Variants in RALYL observed in about 807,000 individuals in gnomAD.
The protein encoded by RALYL is RNA-binding Raly-like protein.
Under a neutral mutation model 35.1 loss-of-function variants are expected in RALYL, and 29 were observed. The ratio of observed to expected loss-of-function variants is 0.83; its 90% confidence interval spans 0.61 to 1.13. The LOEUF is 1.13. RALYL is among the 50% of genes most tolerant of loss of function. RALYL has a pLI of 0.00. For missense variants in RALYL, 359 were observed against 360.4 expected (o/e 1.00, Z 0.03); for synonymous variants, 120 against 127.6 (o/e 0.94, Z 0.40).
At chr8:84,523,577 C>A (rs1420019536) in intron 1 of RALYL, among the ~76,000 whole-genome samples, 3 of 151,492 alleles carry the variant, frequency 2.0e-5, no homozygotes, top group East Asian at 3.9e-4. Context: ...AGGTTAGTTA[C>A]ATATGTATAC....
At position 84,466,493 on chromosome 8, in the gene RALYL, C is replaced by A. The variant is rs1026361487; in HGVS notation, c.-23-62806C>A. ...CAGCCTTGCATCCCAGGGATGAAGCCCACTTGATCATGGTGGATAAGCTTT... is the reference window on the plus strand; with the variant it reads ...CAGCCTTGCATCCCAGGGATGAAGCACACTTGATCATGGTGGATAAGCTTT... On this transcript the variant is annotated intron_variant, in intron 1 of 8. Coordinates refer to ENST00000521268, the MANE Select transcript of RALYL (RefSeq NM_173848.7). Among the ~76,000 whole-genome samples the A allele has an allele frequency of 3.1e-3, 470 of 151,124 alleles. 4 individuals carry two copies. Among genetic ancestry groups the A allele is most frequent in the African/African-American group, 0.011 (459 of 41,112 alleles).
At chr8:84,740,133 G>C (rs948246595) in intron 2 of RALYL, among the ~76,000 whole-genome samples, 1 of 151,992 alleles carries the variant, frequency 6.6e-6, no homozygotes, top group African/African-American at 2.4e-5. Context: ...AGATGGAAAA[G>C]TGTCTTTAAG....
At chr8:84,236,321 T>A (rs1826543362) in intron 1 of RALYL, among the ~76,000 whole-genome samples, 1 of 152,206 alleles carries the variant, frequency 6.6e-6, no homozygotes, top group African/African-American at 2.4e-5. Context: ...TCAAAATTTA[T>A]GTTAAGCACA....
chr8:84,332,920 A>G (rs1006624101), intron 1 of RALYL, among the ~76,000 whole-genome samples: 1 of 152,118 alleles, frequency 6.6e-6, no homozygotes, highest in African/African-American at 2.4e-5. Context: ...TGATTTCCCT[A>G]AAAACGTATC....
chr8:84,550,584 ATAT>A (rs577375165), intron 2 of RALYL, among the ~76,000 whole-genome samples: 353 of 151,522 alleles, frequency 2.3e-3, no homozygotes, highest in African/African-American at 8.2e-3. Flanking sequence ...CTTTAATAAA[ATAT>A]TATATATTTG....
At chr8:84,659,596 T>C (rs1289996428) in intron 2 of RALYL, among the ~76,000 whole-genome samples, 2 of 152,118 alleles carry the variant, frequency 1.3e-5, no homozygotes, top group African/African-American at 2.4e-5. Flanking sequence ...TTGACAAAGA[T>C]GCAGCAAATA....
intron 1 of RALYL, among the ~76,000 whole-genome samples, chr8:84,239,979 T>A (rs1827514286): frequency 1.3e-5 from 2 of 152,202 alleles, no homozygotes; most frequent in South Asian, 4.1e-4. Context: ...CATTTGGTAC[T>A]TTCTACTTAA....
chr8:84,412,641 C>T (rs2132201310), intron 1 of RALYL, among the ~76,000 whole-genome samples: 1 of 152,010 alleles, frequency 6.6e-6, no homozygotes, highest in Admixed American at 6.6e-5. Context: ...TTAATTTCAG[C>T]CTCTATATTA....
chr8:84,202,190 A>G (rs1432636367), intron 1 of RALYL, among the ~76,000 whole-genome samples: 1 of 150,542 alleles, frequency 6.6e-6, no homozygotes, highest in South Asian at 2.1e-4. Flanking sequence ...TTATAGACTT[A>G]ATTTATATTT....
intron 5 of RALYL, among the ~76,000 whole-genome samples, chr8:84,860,318 C>G (rs1392400943): frequency 6.6e-6 from 1 of 152,080 alleles, no homozygotes; most frequent in Non-Finnish European, 1.5e-5. Flanking sequence ...CATTGGTGTC[C>G]TAGGGAAATG....
intron 2 of RALYL, among the ~76,000 whole-genome samples, chr8:84,729,753 C>T (rs1241079279): frequency 2.6e-5 from 4 of 151,994 alleles, no homozygotes; most frequent in African/African-American, 7.2e-5. Flanking sequence ...ATACTACAAA[C>T]ACCTCTACGC....
At chr8:84,611,876 A>G (rs1443361914) in intron 2 of RALYL, among the ~76,000 whole-genome samples, 1 of 152,058 alleles carries the variant, frequency 6.6e-6, no homozygotes, top group Non-Finnish European at 1.5e-5. Context: ...CACTCCCCCA[A>G]TTACACAAAG....
intron 2 of RALYL, among the ~76,000 whole-genome samples, chr8:84,531,263 CAATT>C (rs2059260769): frequency 6.6e-6 from 1 of 151,912 alleles, no homozygotes; most frequent in Non-Finnish European, 1.5e-5. Context: ...TGATATAACA[CAATT>C]AAAACTATTT....
chr8:84,813,333 T>C (rs928388649), intron 4 of RALYL, among the ~76,000 whole-genome samples: 5 of 152,216 alleles, frequency 3.3e-5, no homozygotes, highest in African/African-American at 1.2e-4. Context: ...TTGGGATTGC[T>C]GGTTCATTCT....
At chr8:84,418,126 T>G (rs2044950473) in intron 1 of RALYL, among the ~76,000 whole-genome samples, 1 of 152,178 alleles carries the variant, frequency 6.6e-6, no homozygotes, top group Non-Finnish European at 1.5e-5. Flanking sequence ...TATTTGTGTT[T>G]GACAAGATCT....
chr8:84,368,223 C>T (rs1854912495), intron 1 of RALYL, among the ~76,000 whole-genome samples: 1 of 152,140 alleles, frequency 6.6e-6, no homozygotes, highest in Non-Finnish European at 1.5e-5. Flanking sequence ...AAGCGCTATT[C>T]TCTCCCTCTT....
rs932161945 is a variant in RALYL, at chr8:84,621,157, G to A, written c.256+91580G>A. On this transcript the variant is annotated intron_variant, in intron 2 of 8. Coordinates refer to ENST00000521268, the MANE Select transcript of RALYL (RefSeq NM_173848.7). ...CTGGCTGCTCTGTTTACCTAAGCAC[G>A]CCTGGGCAATGGTGGGTGCCCCTCC... Among the ~76,000 whole-genome samples, 13 of 152,162 alleles carry A rather than the reference G, an allele frequency of 8.5e-5. No individual in the cohort carries two copies. In the East Asian group the frequency reaches 9.7e-4, roughly 11 times the overall value.
chr8:84,537,652 G>A (rs1430858517), intron 2 of RALYL, among the ~76,000 whole-genome samples: 1 of 152,018 alleles, frequency 6.6e-6, no homozygotes, highest in Non-Finnish European at 1.5e-5. Context: ...TTGTAGTAAT[G>A]TTTTTTATTT....
intron 1 of RALYL, among the ~76,000 whole-genome samples, chr8:84,513,585 T>C (rs2057800299): frequency 6.6e-6 from 1 of 152,202 alleles, no homozygotes; most frequent in African/African-American, 2.4e-5. Flanking sequence ...TCCATTGGAA[T>C]GGACTTTGTT....
Sources: allele counts gnomAD v4.1 joint callset (sites outside exome capture counted in the v4.1 genomes callset), GRCh38; gene constraint gnomAD v4.1.1; transcripts MANE v1.5; gene names NCBI Gene and HGNC (gene_info 2026-07-23, HGNC 2026-07-21).